TRPS1: variants seen among roughly 807,000 people sequenced by gnomAD.
TRPS1 encodes the protein zinc finger transcription factor Trps1.
A neutral mutation model predicts 101.2 loss-of-function variants in TRPS1; 6 were observed. The ratio of observed to expected loss-of-function variants is 0.06; its 90% CI spans 0.03 to 0.12. The LOEUF (loss-of-function observed/expected upper bound fraction) is 0.12, where lower values mean the gene tolerates loss of function less well. Ranked by LOEUF, TRPS1 falls within the 10% of genes least tolerant of loss-of-function variation. The pLI is 1.00. For missense variants in TRPS1, 1,363 were observed against 1,567.0 expected (o/e 0.87, Z 2.20); for synonymous variants, 578 against 589.8 (o/e 0.98, Z 0.29).
chr8:115,467,178 T>C (rs1344471106), intron 5 of TRPS1, among the ~76,000 whole-genome samples: 1 of 152,010 alleles, frequency 6.6e-6, no homozygotes, highest in African/African-American at 2.4e-5. Flanking sequence ...TTTGGGGAAA[T>C]TGCGAACCAA....
intron 5 of TRPS1, among the ~76,000 whole-genome samples, chr8:115,491,703 G>A (rs1481948137): frequency 6.6e-6 from 1 of 152,070 alleles, no homozygotes; most frequent in African/African-American, 2.4e-5. Context: ...AAGAAAGAGA[G>A]AGAGAGAAAG....
At position 115,455,722 on chromosome 8, in the gene TRPS1, AT is replaced by A. The variant is rs796721029; in HGVS notation, c.2701-37271del. Among the ~76,000 whole-genome samples the A allele has an allele frequency of 1.6e-3, 219 of 140,822 alleles. 1 individual carries two copies. The highest frequency in any genetic ancestry group is 4.8e-3 in the African/African-American group (185 of 38,498). The allele number at this position is 140,822 out of a possible 152,430, so 92.4% of individuals were successfully genotyped here. On this transcript the variant is annotated intron_variant, in intron 5 of 6. Coordinates refer to ENST00000395715, the MANE Select transcript of TRPS1 (RefSeq NM_014112.5). ...TTTTCCTTTTTCCTCCAAAGACAGAATTTTTTTTTTCTATGCCATATGGCTT... is the reference window on the plus strand; with the variant it reads ...TTTTCCTTTTTCCTCCAAAGACAGAATTTTTTTTTCTATGCCATATGGCTT...
intron 5 of TRPS1, among the ~76,000 whole-genome samples, chr8:115,464,525 T>A (rs1280618239): frequency 6.6e-6 from 1 of 152,180 alleles, no homozygotes; most frequent in Non-Finnish European, 1.5e-5. Flanking sequence ...TCATTTTTTA[T>A]ATCATAGAAA....
chr8:115,623,547 T>C (rs1478047692), intron 2 of TRPS1, 54 bp downstream of exon 2: 4 of 1,589,632 alleles, frequency 2.5e-6, no homozygotes, highest in Non-Finnish European at 3.4e-6. Flanking sequence ...TGTTTTACTG[T>C]GTGCCAAGAA....
At chr8:115,429,085 T>C (rs1813257087) in intron 5 of TRPS1, among the ~76,000 whole-genome samples, 1 of 152,190 alleles carries the variant, frequency 6.6e-6, no homozygotes, top group African/African-American at 2.4e-5. Flanking sequence ...TCCTTAACAA[T>C]AATGATGTAA....
chr8:115,445,883 C>G (rs1403264229), intron 5 of TRPS1, among the ~76,000 whole-genome samples: 1 of 152,180 alleles, frequency 6.6e-6, no homozygotes, highest in East Asian at 1.9e-4. Context: ...AAATGTAACA[C>G]GCCCGTCAAA....
chr8:115,443,002 A>G (rs1005501454), intron 5 of TRPS1, among the ~76,000 whole-genome samples: 1 of 152,134 alleles, frequency 6.6e-6, no homozygotes, highest in Non-Finnish European at 1.5e-5. Context: ...AGGCTGAGGC[A>G]GGAGAATGGC....
intron 5 of TRPS1, among the ~76,000 whole-genome samples, chr8:115,525,433 A>AT (rs1474458556): frequency 6.6e-6 from 1 of 152,160 alleles, no homozygotes; most frequent in Non-Finnish European, 1.5e-5. Context: ...TGGAACGTTC[A>AT]TAAGTACCAT....
At chr8:115,609,347 T>C (rs1818111021) in intron 3 of TRPS1, among the ~76,000 whole-genome samples, 1 of 152,218 alleles carries the variant, frequency 6.6e-6, no homozygotes, top group Non-Finnish European at 1.5e-5. Flanking sequence ...ACTATCAATA[T>C]TCTTAGCTGT....
chr8:115,590,704 G>A (rs1336708227), intron 4 of TRPS1, among the ~76,000 whole-genome samples: 1 of 152,196 alleles, frequency 6.6e-6, no homozygotes, highest in Non-Finnish European at 1.5e-5. Context: ...ATTCTACAAT[G>A]TAAGTAACTT....
intron 5 of TRPS1, among the ~76,000 whole-genome samples, chr8:115,444,922 AATG>A (rs1813695543): frequency 6.8e-6 from 1 of 147,816 alleles, no homozygotes; most frequent in Admixed American, 6.9e-5. Flanking sequence ...CCAATCCACC[AATG>A]ATATCATTTC....
intron 5 of TRPS1, among the ~76,000 whole-genome samples, chr8:115,456,235 T>C (rs1814021502): frequency 1.3e-5 from 2 of 152,192 alleles, no homozygotes; most frequent in South Asian, 4.1e-4. Flanking sequence ...AAGTAAAAAT[T>C]AGGTAAATTA....
intron 4 of TRPS1, among the ~76,000 whole-genome samples, chr8:115,597,080 C>A (rs1817805016): frequency 6.6e-6 from 1 of 151,748 alleles, no homozygotes; most frequent in Non-Finnish European, 1.5e-5. Flanking sequence ...TTTGGACTGA[C>A]TTTGTTTTGG....
intron 5 of TRPS1, among the ~76,000 whole-genome samples, chr8:115,437,032 A>ATTG (rs1214152316): frequency 6.6e-6 from 1 of 152,194 alleles, no homozygotes; most frequent in African/African-American, 2.4e-5. Context: ...TAAGTAGAGC[A>ATTG]TTGGATAGTA....
chr8:115,541,148 G>A (rs930435819), intron 5 of TRPS1, among the ~76,000 whole-genome samples: 1 of 152,190 alleles, frequency 6.6e-6, no homozygotes, highest in Non-Finnish European at 1.5e-5. Flanking sequence ...AGTAGCAGAA[G>A]CGAATGTATG....
chr8:115,608,126 A>G (rs1282789192), intron 3 of TRPS1, among the ~76,000 whole-genome samples: 1 of 152,188 alleles, frequency 6.6e-6, no homozygotes, highest in Non-Finnish European at 1.5e-5. Context: ...ATCACGGAGT[A>G]GGAAAATTTA....
intron 5 of TRPS1, among the ~76,000 whole-genome samples, chr8:115,494,757 C>G (rs1432926100): frequency 6.6e-6 from 1 of 152,132 alleles, no homozygotes; most frequent in Non-Finnish European, 1.5e-5. Flanking sequence ...CTAAATCATT[C>G]TAATTAAAGA....
chr8:115,618,583 C>A (rs899909318), intron 3 of TRPS1, among the ~76,000 whole-genome samples: 5 of 152,170 alleles, frequency 3.3e-5, no homozygotes, highest in African/African-American at 1.2e-4. Flanking sequence ...ACATTTACTT[C>A]TTTCTAATCA....
chr8:115,657,523 A>G (rs1286479523), intron 1 of TRPS1, among the ~76,000 whole-genome samples: 1 of 152,136 alleles, frequency 6.6e-6, no homozygotes, highest in Non-Finnish European at 1.5e-5. Flanking sequence ...AGTTGATAAC[A>G]TGACACTTGG....
Sources: allele counts gnomAD v4.1 joint callset (sites outside exome capture counted in the v4.1 genomes callset), GRCh38; gene constraint gnomAD v4.1.1; transcripts MANE v1.5; gene names NCBI Gene and HGNC (gene_info 2026-07-23, HGNC 2026-07-21).